VAT1L: variants seen among roughly 807,000 people sequenced by gnomAD.
VAT1L encodes vesicle amine transport 1 like.
A neutral mutation model predicts 44.1 loss-of-function variants in VAT1L; 34 were observed. That is an observed-to-expected ratio of 0.77 (90% CI 0.59 to 1.03). VAT1L has a LOEUF of 1.03. Ranked by LOEUF, VAT1L falls within the 50% of genes least tolerant of loss-of-function variation. The probability of loss-of-function intolerance (pLI) is 0.00; values close to 1 mark genes in which losing one functional copy is unlikely to be tolerated. For missense variants in VAT1L, 615 were observed against 538.8 expected, an observed-to-expected ratio of 1.14 and a Z score of -1.40; for synonymous variants, 253 against 202.2, an observed-to-expected ratio of 1.25 and a Z score of -2.13.
At chr16:77,958,941 C>A (rs915187430) in intron 7 of VAT1L, among the ~76,000 whole-genome samples, 1 of 152,192 alleles carries the variant, frequency 6.6e-6, no homozygotes, top group East Asian at 1.9e-4. Flanking sequence ...TTTATAATAG[C>A]TGGTTGAATG....
chr16:77,916,379 C>G (rs962310583), intron 7 of VAT1L, among the ~76,000 whole-genome samples: 1 of 152,154 alleles, frequency 6.6e-6, no homozygotes, highest in East Asian at 1.9e-4. Context: ...ACCTGAGCCA[C>G]GAAGTAGCTG....
chr16:77,977,521 T>A, intron 8 of VAT1L, 76 bp from the exon 9 acceptor site: 1 of 1,455,594 alleles, frequency 6.9e-7, no homozygotes, highest in Non-Finnish European at 9.5e-7. Flanking sequence ...AGTCCTCCCA[T>A]AGGACTCTGT....
In VAT1L at chr16:77,879,637, C is replaced by T. The variant is rs150687069; in HGVS notation, c.882+413C>T. ...ACTTAATCTTGTCTTTCAATTTCCTCGTTCATTTCCCATAAAACCTGCACT... is the reference window on the plus strand; with the variant it reads ...ACTTAATCTTGTCTTTCAATTTCCTTGTTCATTTCCCATAAAACCTGCACT... On this transcript the variant is annotated intron_variant, in intron 6 of 8. Transcript: ENST00000302536. The surrounding 1 kb of genome is among the most constrained non-coding windows in gnomAD (Gnocchi z 4.1). 7.9e-5 allele frequency among the ~76,000 whole-genome samples: 12 copies of T among 152,324 alleles called. No individual in the cohort carries two copies. The highest frequency in any genetic ancestry group is 1.0e-4 in the Non-Finnish European group (7 of 68,034).
intron 7 of VAT1L, among the ~76,000 whole-genome samples, chr16:77,935,982 T>G (rs1351273364): frequency 6.6e-6 from 1 of 152,184 alleles, no homozygotes; most frequent in Non-Finnish European, 1.5e-5. Flanking sequence ...CCTGCTTCTC[T>G]CTCGTTCTCT....
chr16:77,867,079 G>A (rs1046510039), intron 4 of VAT1L, among the ~76,000 whole-genome samples: 1 of 152,134 alleles, frequency 6.6e-6, no homozygotes, highest in Non-Finnish European at 1.5e-5. Context: ...ACCATTTTCT[G>A]TGCACCTGAG....
chr16:77,858,777 T>C (rs991116370), intron 3 of VAT1L, among the ~76,000 whole-genome samples: 3 of 152,028 alleles, frequency 2.0e-5, no homozygotes, highest in Non-Finnish European at 4.4e-5. Context: ...CCAAGATTGA[T>C]TACTTGAGGC....
chr16:77,839,069 G>C (rs1318714275), intron 3 of VAT1L, among the ~76,000 whole-genome samples: 1 of 152,060 alleles, frequency 6.6e-6, no homozygotes, highest in African/African-American at 2.4e-5. Context: ...AGTGGTAATT[G>C]GTACTAGAGG....
chr16:77,962,451 G>C (rs1284951069), intron 7 of VAT1L, among the ~76,000 whole-genome samples: 1 of 152,054 alleles, frequency 6.6e-6, no homozygotes, highest in Non-Finnish European at 1.5e-5. Context: ...GGCCAGGGTA[G>C]GCCCCTCTAA....
At chr16:77,962,310 A>G (rs1053653795) in intron 7 of VAT1L, among the ~76,000 whole-genome samples, 5 of 152,164 alleles carry the variant, frequency 3.3e-5, no homozygotes, top group African/African-American at 1.2e-4. Context: ...CTGGAAGGCC[A>G]GGAACCCAAA....
In VAT1L at chr16:77,950,409, A is replaced by AACACACACACACACACACACACACAC. The variant is rs61168492; in HGVS notation, c.1078-21419_1078-21394dup. On this transcript the variant is annotated intron_variant, in intron 7 of 8. Transcript: ENST00000302536. ...GGGCGACAGAGCAAGATTCCATCTA[A>AACACACACACACACACACACACACAC]ACACACACACACACACACACACACA... 6.7e-4 allele frequency among the ~76,000 whole-genome samples: 88 copies of AACACACACACACACACACACACACAC among 131,482 alleles called. 1 individual carries two copies. The highest frequency in any genetic ancestry group is 2.4e-3 in the African/African-American group (81 of 33,708). The allele number at this position is 131,482 out of a possible 152,430, so 86.3% of individuals were successfully genotyped here.
At chr16:77,885,260 T>C (rs1038873554) in intron 7 of VAT1L, among the ~76,000 whole-genome samples, 13 of 152,324 alleles carry the variant, frequency 8.5e-5, no homozygotes, top group African/African-American at 2.4e-4. Flanking sequence ...GAATTACTGC[T>C]GAATTGTTGG....
intron 6 of VAT1L, among the ~76,000 whole-genome samples, chr16:77,883,313 A>G (rs1471882370): frequency 6.6e-6 from 1 of 152,208 alleles, no homozygotes; most frequent in East Asian, 1.9e-4. Context: ...AGGAAAAGCA[A>G]TTAAATCATA....
chr16:77,794,462 A>T (rs1031468520), intron 1 of VAT1L, among the ~76,000 whole-genome samples: 1 of 152,146 alleles, frequency 6.6e-6, no homozygotes, highest in African/African-American at 2.4e-5. Flanking sequence ...TTGAACCACT[A>T]AAGATATTGG....
At chr16:77,859,705 G>A (rs75818668) in intron 3 of VAT1L, among the ~76,000 whole-genome samples, 4,531 of 152,230 alleles carry the variant, frequency 0.03, 232 homozygotes, top group African/African-American at 0.1. Context: ...AAGAGCTGTC[G>A]AGGACAAAGA....
intron 1 of VAT1L, among the ~76,000 whole-genome samples, chr16:77,803,436 T>A: frequency 6.7e-6 from 1 of 149,656 alleles, no homozygotes; most frequent in Non-Finnish European, 1.5e-5. Context: ...TTTTTTTTTT[T>A]TGAGATGGAG....
intron 4 of VAT1L, 152 bp downstream of exon 4, chr16:77,863,042 G>A (rs1029631770): frequency 9.4e-6 from 9 of 955,240 alleles, no homozygotes; most frequent in Admixed American, 9.1e-5. Context: ...TATTTCACAC[G>A]CATTAGTTCA....
chr16:77,927,155 G>A (rs57044302), intron 7 of VAT1L, among the ~76,000 whole-genome samples: 17,387 of 151,368 alleles, frequency 0.11, 1,261 homozygotes, highest in East Asian at 0.33. Context: ...TGGCTAACAT[G>A]GTGAAATCTC....
chr16:77,792,474 A>G (rs1043874760), intron 1 of VAT1L, among the ~76,000 whole-genome samples: 1 of 152,098 alleles, frequency 6.6e-6, no homozygotes, highest in Non-Finnish European at 1.5e-5. Context: ...GGGAAGAGGA[A>G]GGAGTTAAGC....
intron 7 of VAT1L, among the ~76,000 whole-genome samples, chr16:77,943,892 C>T (rs933120983): frequency 2.6e-5 from 4 of 152,008 alleles, no homozygotes; most frequent in African/African-American, 4.8e-5. Flanking sequence ...AACCAGGGCA[C>T]GTGAGCATTG....
Sources: allele counts gnomAD v4.1 joint callset (sites outside exome capture counted in the v4.1 genomes callset), GRCh38; gene constraint gnomAD v4.1.1; non-coding constraint Gnocchi (gnomAD v3.1); transcripts MANE v1.5; gene names NCBI Gene and HGNC (gene_info 2026-07-23, HGNC 2026-07-21).